Variants in LINGO1 observed in about 807,000 individuals in gnomAD.
The protein encoded by LINGO1 is leucine rich repeat and Ig domain containing 1, also known as leucine-rich repeat and immunoglobulin-like domain-containing nogo receptor-interacting protein 1.
LINGO1 carries 11 observed loss-of-function variants against 37.3 expected under a neutral mutation model. The observed-to-expected ratio is 0.29, with a 90% CI of 0.19 to 0.49. The LOEUF (loss-of-function observed/expected upper bound fraction) is 0.49, where lower values mean the gene tolerates loss of function less well. Among genes scored for constraint, LINGO1 ranks in the 20% least tolerant of loss-of-function variants. The probability of loss-of-function intolerance (pLI) is 0.99; values close to 1 mark genes in which losing one functional copy is unlikely to be tolerated. For missense variants in LINGO1, 585 were observed against 878.2 expected (o/e 0.67, Z 4.22); for synonymous variants, 387 against 403.0 (o/e 0.96, Z 0.48).
At chr15:77,722,191 G>GCTTATTAATGC (rs58895986) in intron 2 of LINGO1, among the ~76,000 whole-genome samples, 1 of 151,432 alleles carries the variant, frequency 6.6e-6, no homozygotes, top group Admixed American at 6.6e-5. Context: ...CTTTTAAATG[G>GCTTATTAATGC]CCCGGTAAAG....
chr15:77,745,521 GCGGCTCTGCCCACT>G (rs1408547930), intron 1 of LINGO1, among the ~76,000 whole-genome samples: 1 of 152,042 alleles, frequency 6.6e-6, no homozygotes, highest in Non-Finnish European at 1.5e-5. Context: ...CCCCAACCTG[GCGGCTCTGCCCACT>G]GAGCGTGAGC....
At chr15:77,626,960 C>A (rs868728553) in intron 1 of LINGO1, among the ~76,000 whole-genome samples, 7 of 142,262 alleles carry the variant, frequency 4.9e-5, no homozygotes, top group Admixed American at 4.1e-4. Flanking sequence ...CCCCGCCCCC[C>A]CAACCCCCCA....
At chr15:77,738,977 G>A (rs905261607) in intron 1 of LINGO1, among the ~76,000 whole-genome samples, 3 of 152,280 alleles carry the variant, frequency 2.0e-5, no homozygotes, top group African/African-American at 7.2e-5. Flanking sequence ...AAGCGAGACT[G>A]AGGTCCGGCC....
intron 1 of LINGO1, among the ~76,000 whole-genome samples, chr15:77,776,194 C>T (rs1392332374): frequency 2.1e-5 from 3 of 145,364 alleles, no homozygotes; most frequent in East Asian, 2.3e-4. Context: ...GTAAATATTA[C>T]GTCTTCCCTG....
intron 1 of LINGO1, among the ~76,000 whole-genome samples, chr15:77,796,211 TGCACACACTC>T (rs911826435): frequency 5.5e-4 from 84 of 152,316 alleles, no homozygotes; most frequent in African/African-American, 2.0e-3. Context: ...TGCACACACT[TGCACACACTC>T]ACACATGTAC....
At chr15:77,690,620 C>A (rs992515688) in intron 2 of LINGO1, 1 of 152,172 alleles carries the variant, frequency 6.6e-6, no homozygotes, top group Non-Finnish European at 1.5e-5. Flanking sequence ...GGATCCTGAC[C>A]GATACAGTGT....
chr15:77,661,678 C>T lies in LINGO1; in HGVS notation c.-13+15411G>A, dbSNP rs545650795. 2.0e-5 allele frequency among the ~76,000 whole-genome samples: 3 copies of T among 152,368 alleles called. No individual in the cohort carries two copies. In the South Asian group the frequency reaches 6.2e-4, roughly 32 times the overall value. On this transcript the variant is annotated intron_variant, in intron 3 of 3. Transcript: ENST00000559893. ...AAACAGCCTGAAGTGTGCCTCACAG[C>T]ACCCTAGACCCTTGTCCTCTTTCCC...
At chr15:77,795,055 A>C (rs1013397651) in intron 2 of LINGO1, among the ~76,000 whole-genome samples, 2 of 152,030 alleles carry the variant, frequency 1.3e-5, no homozygotes, top group Admixed American at 1.3e-4. Context: ...AATGAGGACA[A>C]TACGCCAGGC....
At chr15:77,687,797 T>C (rs1404182663) in intron 2 of LINGO1, among the ~76,000 whole-genome samples, 5 of 152,340 alleles carry the variant, frequency 3.3e-5, no homozygotes, top group African/African-American at 9.6e-5. Context: ...GGCTGGCACA[T>C]GGCAGCATTG....
chr15:77,617,606 C>T (rs1201921516), intron 1 of LINGO1, among the ~76,000 whole-genome samples: 5 of 152,222 alleles, frequency 3.3e-5, no homozygotes, highest in African/African-American at 1.2e-4. Context: ...CCACACCTCA[C>T]ACAGCCCCTG....
chr15:77,708,196 C>T (rs1014615258), intron 2 of LINGO1, among the ~76,000 whole-genome samples: 6 of 152,188 alleles, frequency 3.9e-5, no homozygotes, highest in Admixed American at 2.0e-4. Context: ...TGGAGTGAAG[C>T]GACGAGTTTC....
chr15:77,730,071 C>T (rs1272856009), intron 2 of LINGO1, among the ~76,000 whole-genome samples: 3 of 151,870 alleles, frequency 2.0e-5, no homozygotes, highest in South Asian at 2.1e-4. Flanking sequence ...GGGTTGGGAG[C>T]GTTGTGGGGG....
chr15:77,815,615 G>A (rs139837465), intron 1 of LINGO1, among the ~76,000 whole-genome samples: 212 of 152,226 alleles, frequency 1.4e-3, no homozygotes, highest in Middle Eastern at 3.4e-3. Flanking sequence ...GGCCAGTATT[G>A]GAGGCTGCAT....
intron 1 of LINGO1, among the ~76,000 whole-genome samples, chr15:77,784,104 G>C (rs867681287): frequency 2.0e-5 from 3 of 152,260 alleles, no homozygotes; most frequent in African/African-American, 7.2e-5. Flanking sequence ...CATGCTGAGA[G>C]ACAATCTGTC....
chr15:77,680,941 A>G (rs1357642996), intron 2 of LINGO1, among the ~76,000 whole-genome samples: 1 of 152,206 alleles, frequency 6.6e-6, no homozygotes, highest in Non-Finnish European at 1.5e-5. Flanking sequence ...CAAGGAGAAG[A>G]TGCTACCCCT....
chr15:77,812,530 C>T (rs959228815), intron 1 of LINGO1, among the ~76,000 whole-genome samples: 1 of 152,246 alleles, frequency 6.6e-6, no homozygotes, highest in Non-Finnish European at 1.5e-5. Flanking sequence ...ACTCCCCCTC[C>T]TCCCCAGCCC....
chr15:77,628,852 A>C (rs1201928820), intron 1 of LINGO1, among the ~76,000 whole-genome samples: 3 of 152,164 alleles, frequency 2.0e-5, no homozygotes, highest in Non-Finnish European at 2.9e-5. Flanking sequence ...GTCACTCGCC[A>C]CCTCTCTGGC....
chr15:77,765,856 G>T (rs1376402149), intron 1 of LINGO1, among the ~76,000 whole-genome samples: 1 of 152,108 alleles, frequency 6.6e-6, no homozygotes, highest in Non-Finnish European at 1.5e-5. Context: ...TCAGCCATGG[G>T]GCAGCCATGG....
At chr15:77,766,916 G>A (rs2076535802) in intron 1 of LINGO1, among the ~76,000 whole-genome samples, 1 of 147,114 alleles carries the variant, frequency 6.8e-6, no homozygotes, top group Admixed American at 7.0e-5. Context: ...AGGACAGATT[G>A]ATAAAATTGA....
Sources: gnomAD v4.1 joint callset for allele counts (sites outside exome capture counted in the v4.1 genomes callset) on GRCh38, gnomAD v4.1.1 for gene constraint, MANE v1.5 for transcripts, NCBI Gene and HGNC (gene_info 2026-07-23, HGNC 2026-07-21) for gene names.